STAT3: variants seen among roughly 807,000 people sequenced by gnomAD.
The protein encoded by STAT3 is signal transducer and activator of transcription 3.
STAT3 carries 7 observed loss-of-function variants against 114.3 expected under a neutral mutation model. The ratio of observed to expected loss-of-function variants is 0.06; its 90% CI spans 0.03 to 0.11. The LOEUF (loss-of-function observed/expected upper bound fraction) is 0.11, where lower values mean the gene tolerates loss of function less well. STAT3 is among the 10% of genes least tolerant of loss of function. The pLI is 1.00. For synonymous variants in STAT3, 331 were observed against 354.5 expected (o/e 0.93, Z 0.74); for missense variants, 364 against 960.9 (o/e 0.38, Z 8.21).
At chr17:42,372,018 A>C (rs2084179150) in intron 1 of STAT3, among the ~76,000 whole-genome samples, 1 of 152,190 alleles carries the variant, frequency 6.6e-6, no homozygotes, top group Non-Finnish European at 1.5e-5. Context: ...TAATAGGTAT[A>C]CCATTATACA....
At chr17:42,359,549 C>A (rs930991802) in intron 1 of STAT3, among the ~76,000 whole-genome samples, 5 of 151,676 alleles carry the variant, frequency 3.3e-5, no homozygotes, top group African/African-American at 1.2e-4. Flanking sequence ...AAGTGATATT[C>A]AAAACAAAAG....
intron 1 of STAT3, among the ~76,000 whole-genome samples, chr17:42,354,583 C>T (rs1172142418): frequency 1.3e-5 from 2 of 150,036 alleles, no homozygotes; most frequent in Admixed American, 6.6e-5. Context: ...CTGAGGTGGG[C>T]GGATCACAAG....
At chr17:42,325,871 CTAAA>C (rs1462037469) in intron 15 of STAT3, among the ~76,000 whole-genome samples, 3 of 152,110 alleles carry the variant, frequency 2.0e-5, no homozygotes, top group Non-Finnish European at 2.9e-5. Context: ...CAATCAATTT[CTAAA>C]TAGAGATTTT....
intron 21 of STAT3, among the ~76,000 whole-genome samples, chr17:42,318,231 T>TTGAA (rs1598383415): frequency 6.6e-6 from 1 of 152,158 alleles, no homozygotes; most frequent in African/African-American, 2.4e-5. Context: ...CAAGTGATTC[T>TTGAA]CCTTCATCAG....
intron 4 of STAT3, among the ~76,000 whole-genome samples, chr17:42,343,002 C>CA (rs757011535): frequency 0.12 from 13,553 of 115,502 alleles, 2,286 homozygotes; most frequent in African/African-American, 0.38. Flanking sequence ...CCATCTCTAC[C>CA]AAAAAAAAAA....
intron 17 of STAT3, 111 bp from the exon 18 acceptor site, chr17:42,323,736 A>T (rs1201056419): frequency 5.1e-5 from 52 of 1,018,472 alleles, no homozygotes; most frequent in Non-Finnish European, 7.5e-5. Context: ...CAAAATAATC[A>T]GCTTTCACAT....
intron 1 of STAT3, among the ~76,000 whole-genome samples, chr17:42,376,489 G>A (rs1332783326): frequency 1.3e-5 from 2 of 149,816 alleles, no homozygotes; most frequent in East Asian, 3.9e-4. Flanking sequence ...GGAGGTTGCA[G>A]TGAGCGGAGA....
chr17:42,380,057 C>T (rs983194031), intron 1 of STAT3, among the ~76,000 whole-genome samples: 5 of 151,988 alleles, frequency 3.3e-5, no homozygotes, highest in South Asian at 2.1e-4. Flanking sequence ...GTTTTTGTGA[C>T]GGAGTCTTGC....
At chr17:42,364,581 T>TA (rs1221989626) in intron 1 of STAT3, among the ~76,000 whole-genome samples, 1 of 152,108 alleles carries the variant, frequency 6.6e-6, no homozygotes, top group African/African-American at 2.4e-5. Context: ...AAAGAGAACT[T>TA]AAGCCATTCT....
intron 1 of STAT3, among the ~76,000 whole-genome samples, chr17:42,366,940 A>G (rs1267158989): frequency 1.3e-5 from 2 of 152,134 alleles, no homozygotes; most frequent in African/African-American, 4.8e-5. Flanking sequence ...CAGGAGTTCG[A>G]GACCAGCCTG....
chr17:42,346,704 C>T lies in STAT3; in HGVS notation c.138G>A (p.Ala46=), dbSNP rs760775429. The change falls in exon 3 of 24, where the codon GCG becomes GCA. Residue 46 remains alanine, a synonymous_variant. Coordinates refer to ENST00000264657, the MANE Select transcript of STAT3 (RefSeq NM_139276.3). Reference sequence around the variant, plus strand: ...AAGTGGCATGTGATTCTTTGCTGGCCGCATATGCCCTAGGAAAAGGAAGAA... The same window carrying T: ...AAGTGGCATGTGATTCTTTGCTGGCTGCATATGCCCTAGGAAAAGGAAGAA... ...PWIESQDWAY[A]ASKESHATLV... is the part of the protein sequence containing the mutation. 6.8e-6 allele frequency: 11 copies of T among 1,613,760 alleles called. No homozygotes were observed. The highest frequency in any genetic ancestry group is 1.7e-5 in the Admixed American group (1 of 59,934).
At position 42,338,831 on chromosome 17, in the gene STAT3, C is replaced by CA. The variant is rs773715880; in HGVS notation, c.469-20dup. 1.9e-6 allele frequency: 3 copies of CA among 1,589,036 alleles called. No individual in the cohort carries two copies. The highest frequency in any genetic ancestry group is 2.6e-6 in the Non-Finnish European group (3 of 1,160,958). On this transcript the variant is annotated intron_variant, in intron 5 of 23. Transcript: ENST00000264657. ...CTAGATCCTGTTTAAAATAAGCAAA[C>CA]AAAAAAACAGAAGTAAAGAAAGATT...
In STAT3 at chr17:42,359,084, C is replaced by T. The variant is rs1478469601; in HGVS notation, c.-23-10545G>A. The stretch of plus-strand genomic sequence containing the variant: ...CCGAGTAGCTGGGACTCCAGGCGCC[C>T]GCCACCACACCCGGCTAATTTTTTG... On this transcript the variant is annotated intron_variant, in intron 1 of 23. Transcript: ENST00000264657. Among the ~76,000 whole-genome samples, 7 of 151,856 alleles carry T rather than the reference C, an allele frequency of 4.6e-5. No homozygotes were observed. In the East Asian group the frequency reaches 5.8e-4, roughly 13 times the overall value.
intron 4 of STAT3, among the ~76,000 whole-genome samples, chr17:42,343,915 CCTAT>C (rs2082569291): frequency 6.6e-6 from 1 of 152,172 alleles, no homozygotes; most frequent in Non-Finnish European, 1.5e-5. Flanking sequence ...TCGAGGAAGA[CCTAT>C]CTATCTGTAA....
At chr17:42,386,228 C>T (rs977330334) in intron 1 of STAT3, among the ~76,000 whole-genome samples, 1 of 150,958 alleles carries the variant, frequency 6.6e-6, no homozygotes, top group Non-Finnish European at 1.5e-5. Context: ...TTGCAGTGAG[C>T]CAAGATTGCG....
chr17:42,317,173 G>A lies in STAT3; in HGVS notation c.2144+9C>T. 4 of 1,614,050 alleles carry A rather than the reference G, an allele frequency of 2.5e-6. No individual in the cohort carries two copies. The highest frequency in any genetic ancestry group is 3.4e-6 in the Non-Finnish European group (4 of 1,179,966). On this transcript the variant is annotated intron_variant, in intron 22 of 23. Transcript: ENST00000264657. Reference sequence around the variant, plus strand: ...AATGAAGGCAAAACGGGGAAAGGAAGCCACTTACGGTGTCACACAGATAAA... The same window carrying A: ...AATGAAGGCAAAACGGGGAAAGGAAACCACTTACGGTGTCACACAGATAAA...
intron 4 of STAT3, among the ~76,000 whole-genome samples, chr17:42,342,635 T>C (rs1422642854): frequency 1.3e-5 from 2 of 152,166 alleles, no homozygotes; most frequent in Non-Finnish European, 2.9e-5. Context: ...TATGAATTAA[T>C]TCTATGAAGA....
At chr17:42,342,884 A>G (rs8069645) in intron 4 of STAT3, among the ~76,000 whole-genome samples, 44,237 of 150,862 alleles carry the variant, frequency 0.29, 6,708 homozygotes, top group East Asian at 0.4. Flanking sequence ...AAGAATACAC[A>G]TTTCTGTTTC....
At chr17:42,318,186 C>G (rs759963258) in intron 21 of STAT3, among the ~76,000 whole-genome samples, 1 of 151,998 alleles carries the variant, frequency 6.6e-6, no homozygotes, top group Non-Finnish European at 1.5e-5. Flanking sequence ...GCAGTAGCGC[C>G]ATCTTGGCTC....
Sources: allele counts gnomAD v4.1 joint callset (sites outside exome capture counted in the v4.1 genomes callset), GRCh38; gene constraint gnomAD v4.1.1; transcripts MANE v1.5; gene names NCBI Gene and HGNC (gene_info 2026-07-23, HGNC 2026-07-21).